Variants in CORO2B observed in about 807,000 individuals in gnomAD.
The protein encoded by CORO2B is coronin 2B, also known as coronin-2B.
In CORO2B, 26 loss-of-function variants were observed where a neutral mutation model predicts 58.8. The observed-to-expected ratio is 0.44, with a 90% CI of 0.32 to 0.61. The LOEUF (loss-of-function observed/expected upper bound fraction) is 0.61, where lower values mean the gene tolerates loss of function less well. CORO2B is among the 20% of genes least tolerant of loss of function. CORO2B has a pLI of 0.04. For missense variants in CORO2B, 460 were observed against 645.1 expected, an observed-to-expected ratio of 0.71 and a Z score of 3.11; for synonymous variants, 242 against 253.8, an observed-to-expected ratio of 0.95 and a Z score of 0.44.
At chr15:68,518,965 G>A in the CORO2B span, among the ~76,000 whole-genome samples, 1 of 152,172 alleles carries the variant, frequency 6.6e-6, no homozygotes, top group Non-Finnish European at 1.5e-5. Flanking sequence ...TTCAGATAAC[G>A]TGCCCCAGTT....
chr15:68,612,741 G>T (rs904326607), intron 1 of CORO2B, among the ~76,000 whole-genome samples: 1 of 152,190 alleles, frequency 6.6e-6, no homozygotes, highest in Non-Finnish European at 1.5e-5. Flanking sequence ...TCCTCACGCC[G>T]CAGTCTCCTC....
In CORO2B at chr15:68,713,960, G is replaced by C. The variant is rs762134833; in HGVS notation, c.684G>C (p.Val228=). 1.5e-5 allele frequency: 25 copies of C among 1,614,108 alleles called. No homozygotes were observed. The highest frequency in any genetic ancestry group is 2.1e-5 in the Non-Finnish European group (25 of 1,179,984). ...ANCKNHRVNR[V]VFLGNMKRLL... Reference sequence around the variant, plus strand: ...GCAAAAACCACAGAGTGAACCGGGTGGTGTTCCTGGGGAACATGAAGCGGC... The same window carrying C: ...GCAAAAACCACAGAGTGAACCGGGTCGTGTTCCTGGGGAACATGAAGCGGC... The change falls in exon 6 of 12, where the codon GTG becomes GTC. Residue 228 remains valine, a synonymous_variant. Coordinates refer to ENST00000261861, the MANE Select transcript of CORO2B (RefSeq NM_006091.5).
intron 8 of CORO2B, 109 bp from the exon 9 acceptor site, chr15:68,718,589 A>G: frequency 1.0e-6 from 1 of 966,692 alleles, no homozygotes; most frequent in Non-Finnish European, 1.6e-6. Flanking sequence ...CGTTGCCTCC[A>G]AACCTAAGTA....
At chr15:68,587,538 C>A (rs764584265) in intron 1 of CORO2B, among the ~76,000 whole-genome samples, 1 of 152,108 alleles carries the variant, frequency 6.6e-6, no homozygotes, top group Non-Finnish European at 1.5e-5. Context: ...AATTTAGATT[C>A]GTTTAAGAAA....
At chr15:68,644,348 T>C (rs2140272109) in intron 1 of CORO2B, among the ~76,000 whole-genome samples, 1 of 152,310 alleles carries the variant, frequency 6.6e-6, no homozygotes, top group East Asian at 1.9e-4. Context: ...AGGTCTAGAT[T>C]GGGACCCAGT....
the CORO2B span, among the ~76,000 whole-genome samples, chr15:68,536,030 C>T: frequency 6.6e-6 from 1 of 152,136 alleles, no homozygotes; most frequent in Non-Finnish European, 1.5e-5. Context: ...TTATATGGTT[C>T]TGAAAACTTA....
chr15:68,696,549 C>T (rs1169852511), intron 3 of CORO2B, among the ~76,000 whole-genome samples: 2 of 120,840 alleles, frequency 1.7e-5, no homozygotes, highest in African/African-American at 6.2e-5. Flanking sequence ...CAGAGCAAGA[C>T]TCTGCCTCAA....
chr15:68,626,343 AG>A (rs971056122), intron 1 of CORO2B, among the ~76,000 whole-genome samples: 1 of 152,034 alleles, frequency 6.6e-6, no homozygotes, highest in African/African-American at 2.4e-5. Context: ...AAAGAAGTCT[AG>A]GTTTTTCTTA....
intron 1 of CORO2B, among the ~76,000 whole-genome samples, chr15:68,625,195 A>G (rs1900642148): frequency 6.6e-6 from 1 of 151,884 alleles, no homozygotes; most frequent in Non-Finnish European, 1.5e-5. Flanking sequence ...AGGAATCTCT[A>G]AACTTGAAGC....
the CORO2B span, among the ~76,000 whole-genome samples, chr15:68,536,384 A>T: frequency 6.6e-6 from 1 of 152,210 alleles, no homozygotes; most frequent in Non-Finnish European, 1.5e-5. Flanking sequence ...GCTTGTAGGA[A>T]TCTTATGTGA....
At chr15:68,608,327 C>A (rs962358299) in intron 1 of CORO2B, among the ~76,000 whole-genome samples, 7 of 152,230 alleles carry the variant, frequency 4.6e-5, no homozygotes, top group African/African-American at 2.4e-5. Context: ...TTACAGTTTC[C>A]AGGCCTCCTG....
intron 1 of CORO2B, among the ~76,000 whole-genome samples, chr15:68,589,185 G>A (rs1465997): frequency 0.52 from 78,486 of 152,048 alleles, 20,732 homozygotes; most frequent in East Asian, 0.77. Context: ...CCTGTAGCAT[G>A]TGATCCCTGG....
chr15:68,528,273 C>T, the CORO2B span, among the ~76,000 whole-genome samples: 8 of 152,032 alleles, frequency 5.3e-5, no homozygotes, highest in Non-Finnish European at 1.2e-4. Flanking sequence ...TCAGGTCATA[C>T]GTTTTTTATA....
the CORO2B span, among the ~76,000 whole-genome samples, chr15:68,550,520 C>A: frequency 6.6e-6 from 1 of 152,190 alleles, no homozygotes; most frequent in African/African-American, 2.4e-5. Context: ...ACGATAGCAC[C>A]CATCTCTTAT....
At chr15:68,528,538 G>T in the CORO2B span, among the ~76,000 whole-genome samples, 1 of 151,896 alleles carries the variant, frequency 6.6e-6, no homozygotes, top group African/African-American at 2.4e-5. Context: ...AATTCTATTT[G>T]CTTATGTTTT....
intron 2 of CORO2B, among the ~76,000 whole-genome samples, chr15:68,664,014 G>GT: frequency 6.6e-6 from 1 of 152,232 alleles, no homozygotes; most frequent in Non-Finnish European, 1.5e-5. Flanking sequence ...ATAATATCAA[G>GT]TGTTGATGAG....
At chr15:68,633,543 A>ACACACACACACACACT (rs1035888776) in intron 1 of CORO2B, among the ~76,000 whole-genome samples, 3 of 151,516 alleles carry the variant, frequency 2.0e-5, no homozygotes, top group African/African-American at 7.3e-5. Flanking sequence ...ACACACACAC[A>ACACACACACACACACT]CACTCACTCC....
At chr15:68,659,700 G>A (rs984877121) in intron 2 of CORO2B, among the ~76,000 whole-genome samples, 4 of 152,178 alleles carry the variant, frequency 2.6e-5, no homozygotes, top group African/African-American at 9.7e-5. Context: ...TTGGGAGGCC[G>A]AGGCGGACAG....
chr15:68,640,434 A>C (rs1461861661), intron 1 of CORO2B, among the ~76,000 whole-genome samples: 2 of 152,180 alleles, frequency 1.3e-5, no homozygotes, highest in Non-Finnish European at 2.9e-5. Flanking sequence ...GCCCTGAAGC[A>C]TCATGAGACA....
Sources: allele counts gnomAD v4.1 joint callset (sites outside exome capture counted in the v4.1 genomes callset), GRCh38; gene constraint gnomAD v4.1.1; transcripts MANE v1.5; gene names NCBI Gene and HGNC (gene_info 2026-07-23, HGNC 2026-07-21).